NRIP1: variants seen among roughly 807,000 people sequenced by gnomAD.
NRIP1 encodes nuclear receptor-interacting protein 1.
NRIP1 carries 28 observed loss-of-function variants against 75.0 expected under a neutral mutation model. The observed-to-expected ratio is 0.37, with a 90% confidence interval of 0.28 to 0.51. The LOEUF is 0.51. NRIP1 is among the 20% of genes least tolerant of loss of function. The pLI, the probability that NRIP1 is intolerant of heterozygous loss-of-function variation, is 0.92. For synonymous variants in NRIP1, 526 were observed against 487.6 expected, an observed-to-expected ratio of 1.08 and a Z score of -1.04; for missense variants, 1,435 against 1,343.7, an observed-to-expected ratio of 1.07 and a Z score of -1.06.
rs779828629 is a variant in NRIP1, at chr21:14,967,764, C to A, written c.429G>T (p.Arg143Ser). 2.5e-6 allele frequency: 4 copies of A among 1,613,978 alleles called. No individual in the cohort carries two copies. Among genetic ancestry groups the A allele is most frequent in the Non-Finnish European group, 2.5e-6 (3 of 1,180,010 alleles). The stretch of plus-strand genomic sequence containing the variant: ...GTTGTGACAGAGCAACAGTCTGCAG[C>A]CTAGAGCTGAATGACTGAAGCAAAG... ...LASLLQSFSSRLQTVALSQQI... is the reference protein window; with the variant it reads ...LASLLQSFSSSLQTVALSQQI... The change falls in exon 4 of 4, where the codon AGG becomes AGT. Residue 143 changes from arginine to serine, a missense_variant. Transcript: ENST00000318948.
intron 3 of NRIP1, among the ~76,000 whole-genome samples, chr21:14,995,259 G>A (rs2087690574): frequency 6.6e-6 from 1 of 152,110 alleles, no homozygotes; most frequent in African/African-American, 2.4e-5. Flanking sequence ...ATTAACCTTG[G>A]CAGCTTGCAT....
At position 14,962,848 on chromosome 21, in the gene NRIP1, T is replaced by C. The variant is rs898187237; in HGVS notation, c.*1868A>G. 6.6e-6 allele frequency: 1 copy of C among 152,510 alleles called. No homozygotes were observed. Among genetic ancestry groups the C allele is most frequent in the African/African-American group, 2.4e-5 (1 of 41,444 alleles). 9.4% of individuals were successfully genotyped at this position (152,510 alleles called of 1,614,324 possible). A position where few individuals can be genotyped will look rare whatever the true frequency, so the allele number is the denominator to read the frequency against. ...TAGGAAATCACACCTATTTTTAATA[T>C]AAAAATCTTAGAAACCACTTCAAGT... On this transcript the variant is annotated 3_prime_UTR_variant, in exon 4 of 4. Transcript: ENST00000318948.
chr21:14,969,759 T>C (rs996049800), intron 3 of NRIP1, among the ~76,000 whole-genome samples: 2 of 152,212 alleles, frequency 1.3e-5, no homozygotes, highest in African/African-American at 4.8e-5. Flanking sequence ...TAAGTCAAAC[T>C]TTAGGAAATA....
In NRIP1 at chr21:14,966,479, A is replaced by G. The variant is rs745807345; in HGVS notation, c.1714T>C (p.Ser572Pro). The G allele has an allele frequency of 5.0e-6, 8 of 1,614,010 alleles. No individual in the cohort carries two copies. The South Asian group carries it at 7.7e-5, about 16-fold the overall frequency. Reference sequence around the variant, plus strand: ...GGGGAATTCCATTTGATGACCAGAGAGTGTTGAGAGAGATTGATGGGAGAC... The same window carrying G: ...GGGGAATTCCATTTGATGACCAGAGGGTGTTGAGAGAGATTGATGGGAGAC... ...AGSPINLSQHSLVIKWNSPPY... is the reference protein window; with the variant it reads ...AGSPINLSQHPLVIKWNSPPY... The change falls in exon 4 of 4, where the codon TCT becomes CCT. Residue 572 changes from serine to proline, a missense_variant. Ser to Pro is a moderately conservative substitution (Grantham distance 74, BLOSUM62 -1). Transcript: ENST00000318948.
chr21:15,030,889 GC>G (rs2088639549), intron 2 of NRIP1, among the ~76,000 whole-genome samples: 2 of 150,944 alleles, frequency 1.3e-5, no homozygotes, highest in African/African-American at 4.8e-5. Flanking sequence ...ACTCTGGAAG[GC>G]GCTCGGAGGA....
At chr21:15,047,081 T>C (rs1318292518) in intron 1 of NRIP1, among the ~76,000 whole-genome samples, 2 of 152,208 alleles carry the variant, frequency 1.3e-5, no homozygotes, top group East Asian at 1.9e-4. Context: ...TGCCCGAGAC[T>C]GGGTAATTTA....
chr21:14,970,523 GTGACAGAA>G (rs2086873648), intron 3 of NRIP1, among the ~76,000 whole-genome samples: 1 of 152,194 alleles, frequency 6.6e-6, no homozygotes, highest in South Asian at 2.1e-4. Context: ...TCCAGCCTGG[GTGACAGAA>G]TGACACTCTA....
chr21:15,043,922 G>A (rs1357253778), intron 1 of NRIP1, among the ~76,000 whole-genome samples: 5 of 152,098 alleles, frequency 3.3e-5, no homozygotes, highest in South Asian at 2.1e-4. Flanking sequence ...AGGTCCAAGC[G>A]ATTCTCCCAC....
chr21:15,059,975 T>G (rs972930873), intron 1 of NRIP1, among the ~76,000 whole-genome samples: 2 of 152,152 alleles, frequency 1.3e-5, no homozygotes, highest in African/African-American at 4.8e-5. Context: ...ATTCTTCTGA[T>G]TTAAGAACTT....
chr21:15,018,551 C>A (rs1350616711), intron 2 of NRIP1, among the ~76,000 whole-genome samples: 1 of 152,154 alleles, frequency 6.6e-6, no homozygotes, highest in Non-Finnish European at 1.5e-5. Context: ...ATAGTGTATG[C>A]AAAGGACGTG....
chr21:14,980,369 G>T (rs1240193573), intron 3 of NRIP1, among the ~76,000 whole-genome samples: 1 of 151,990 alleles, frequency 6.6e-6, no homozygotes, highest in Non-Finnish European at 1.5e-5. Flanking sequence ...AGCTACTCAG[G>T]AGGCTGAGGC....
intron 2 of NRIP1, among the ~76,000 whole-genome samples, chr21:15,019,197 T>C (rs2088307557): frequency 6.7e-6 from 1 of 149,086 alleles, no homozygotes; most frequent in Non-Finnish European, 1.5e-5. Context: ...ATCTTTCCTT[T>C]CTAAGATAAT....
In NRIP1 at chr21:14,968,396, T is replaced by C. The variant is rs1051173977; in HGVS notation, c.-204A>G. 3 of 544,094 alleles carry C rather than the reference T, an allele frequency of 5.5e-6. No homozygotes were observed. In the African/African-American group the frequency reaches 5.7e-5, roughly 10 times the overall value. The allele number at this position is 544,094 out of a possible 1,614,324, so 33.7% of individuals were successfully genotyped here. On this transcript the variant is annotated 5_prime_UTR_variant, in exon 4 of 4. Transcript: ENST00000318948. ...CAGTCTGACCACAGTGCTGATCAACTTCTACGCAAGGAGGAGGAGAAGAAT... is the reference window on the plus strand; with the variant it reads ...CAGTCTGACCACAGTGCTGATCAACCTCTACGCAAGGAGGAGGAGAAGAAT...
Position 14,967,803 on chromosome 21 carries a change from G to A in NRIP1, c.390C>T (p.Ser130=), listed in dbSNP as rs148132349. ...VDSVPKGKQD[S]TLLASLLQSF... ...ACTGAAGCAAAGAGGCCAGTAATGT[G>A]CTATCCTGTTTGCCTTTAGGCACAC... Residue 130 remains serine (S), a synonymous_variant, in exon 4 of 4, where the codon AGC becomes AGT. Transcript: ENST00000318948. 1 of 1,613,916 alleles carries A rather than the reference G, an allele frequency of 6.2e-7. No individual in the cohort carries two copies. Among genetic ancestry groups the A allele is most frequent in the African/African-American group, 1.3e-5 (1 of 74,934 alleles).
chr21:15,035,747 G>A lies in NRIP1; in HGVS notation c.-458+7748C>T, dbSNP rs554205360. Among the ~76,000 whole-genome samples, 10 of 151,952 alleles carry A rather than the reference G, an allele frequency of 6.6e-5. No homozygotes were observed. In the South Asian group the frequency reaches 1.5e-3, roughly 22 times the overall value. Reference sequence around the variant, plus strand: ...GATTTTTTGTATTTTTAGTAGGGACGAGGTTTCACTGTGCTGGCCAGGCTG... The same window carrying A: ...GATTTTTTGTATTTTTAGTAGGGACAAGGTTTCACTGTGCTGGCCAGGCTG... On this transcript the variant is annotated intron_variant, in intron 2 of 3. Transcript: ENST00000318948.
At chr21:15,065,555 C>T (rs1303557928), upstream of NRIP1, among the ~76,000 whole-genome samples, 3 of 152,114 alleles carry the variant, frequency 2.0e-5, no homozygotes, top group African/African-American at 7.2e-5. Context: ...TCTCTGGGCC[C>T]CCTTTCACCC....
At chr21:15,000,315 G>A (rs2087822685) in intron 3 of NRIP1, among the ~76,000 whole-genome samples, 1 of 152,108 alleles carries the variant, frequency 6.6e-6, no homozygotes, top group South Asian at 2.1e-4. Context: ...TGGGTGAGAG[G>A]GGAAGGTGGT....
rs900144773 is a variant in NRIP1, at chr21:15,046,612, C to G, written c.-537-3038G>C. ...CTGTATTATCCACTAACAAGAAAGT[C>G]AGTTTGTCCTTTGAGGTTCTGAGGC... On this transcript the variant is annotated intron_variant, in intron 1 of 3. Coordinates refer to ENST00000318948, the MANE Select transcript of NRIP1 (RefSeq NM_003489.4). 5.9e-5 allele frequency among the ~76,000 whole-genome samples: 9 copies of G among 152,286 alleles called. No individual in the cohort carries two copies. The South Asian group carries it at 8.3e-4, about 14-fold the overall frequency.
At chr21:14,988,601 TTCAC>T (rs2087478555) in intron 3 of NRIP1, among the ~76,000 whole-genome samples, 1 of 152,058 alleles carries the variant, frequency 6.6e-6, no homozygotes, top group Admixed American at 6.6e-5. Flanking sequence ...AATTAATTCT[TTCAC>T]TCATAATTTT....
Sources: allele counts gnomAD v4.1 joint callset (sites outside exome capture counted in the v4.1 genomes callset), GRCh38; gene constraint gnomAD v4.1.1; transcripts MANE v1.5; gene names NCBI Gene and HGNC (gene_info 2026-07-23, HGNC 2026-07-21).